The following ZNF148 variants were observed in gnomAD, a reference collection of about 807,000 sequenced individuals.
ZNF148 encodes zinc finger protein 148.
In ZNF148, 7 loss-of-function variants were observed where a neutral mutation model predicts 67.7. The observed-to-expected ratio is 0.10, with a 90% CI of 0.06 to 0.19. The LOEUF is 0.19. ZNF148 is among the 10% of genes least tolerant of loss of function. The pLI is 1.00. For synonymous variants in ZNF148, 333 were observed against 330.7 expected, an observed-to-expected ratio of 1.01 and a Z score of -0.08; for missense variants, 583 against 947.1, an observed-to-expected ratio of 0.62 and a Z score of 5.05.
At chr3:125,266,749 C>A (rs1937539852) in intron 7 of ZNF148, among the ~76,000 whole-genome samples, 1 of 151,984 alleles carries the variant, frequency 6.6e-6, no homozygotes, top group Admixed American at 6.5e-5. Flanking sequence ...AAAAACCATA[C>A]AAAGAATCAA....
At chr3:125,301,575 A>T (rs752110659) in intron 4 of ZNF148, among the ~76,000 whole-genome samples, 28 of 152,260 alleles carry the variant, frequency 1.8e-4, no homozygotes, top group Non-Finnish European at 3.1e-4. Context: ...AAAATAAGTT[A>T]ACATAAAGTT....
intron 4 of ZNF148, among the ~76,000 whole-genome samples, chr3:125,303,295 C>T (rs968015642): frequency 6.6e-6 from 1 of 151,854 alleles, no homozygotes; most frequent in Non-Finnish European, 1.5e-5. Flanking sequence ...ATCTTGATTG[C>T]TTTGGTGGTT....
intron 2 of ZNF148, among the ~76,000 whole-genome samples, chr3:125,324,873 T>G (rs1032176536): frequency 2.0e-5 from 3 of 152,202 alleles, no homozygotes; most frequent in East Asian, 1.9e-4. Flanking sequence ...CTCTCAGTAC[T>G]CCTGCATTTC....
At chr3:125,254,461 T>C (rs1203776752) in intron 7 of ZNF148, among the ~76,000 whole-genome samples, 1 of 152,218 alleles carries the variant, frequency 6.6e-6, no homozygotes, top group African/African-American at 2.4e-5. Flanking sequence ...CTACTGATTA[T>C]TGATAAACAC....
intron 1 of ZNF148, among the ~76,000 whole-genome samples, chr3:125,349,111 A>C (rs953985163): frequency 6.6e-6 from 1 of 152,244 alleles, no homozygotes; most frequent in Non-Finnish European, 1.5e-5. Context: ...AACTTTAATA[A>C]GGCCTGAAAC....
Position 125,326,980 on chromosome 3 carries a change from G to A in ZNF148, c.-152-3536C>T, listed in dbSNP as rs148739802. On this transcript the variant is annotated intron_variant, in intron 2 of 8. Coordinates refer to ENST00000360647, the MANE Select transcript of ZNF148 (RefSeq NM_021964.3). Reference sequence around the variant, plus strand: ...GTCCAGTGGAAAGGCAGCGACTGTCGGAAAGGATAAAAACACAAATTCCAA... The same window carrying A: ...GTCCAGTGGAAAGGCAGCGACTGTCAGAAAGGATAAAAACACAAATTCCAA... Among the ~76,000 whole-genome samples the A allele has an allele frequency of 3.2e-3, 484 of 151,254 alleles. 8 individuals are homozygous for A. Among genetic ancestry groups the A allele is most frequent in the African/African-American group, 0.011 (446 of 41,276 alleles).
At chr3:125,239,944 GACT>G (rs1225366846) in intron 7 of ZNF148, among the ~76,000 whole-genome samples, 2 of 152,158 alleles carry the variant, frequency 1.3e-5, no homozygotes, top group African/African-American at 4.8e-5. Flanking sequence ...AATGGGGAGT[GACT>G]ACTAACAGGT....
intron 1 of ZNF148, among the ~76,000 whole-genome samples, chr3:125,348,771 C>A (rs537126519): frequency 1.3e-5 from 2 of 152,152 alleles, no homozygotes; most frequent in African/African-American, 4.8e-5. Context: ...AACAGAACCA[C>A]AAAAGCCCCC....
At chr3:125,296,565 G>A (rs1377164407) in intron 4 of ZNF148, among the ~76,000 whole-genome samples, 2 of 152,012 alleles carry the variant, frequency 1.3e-5, no homozygotes, top group Non-Finnish European at 1.5e-5. Context: ...ACTAAGTTGG[G>A]ACTCTCATAC....
chr3:125,236,968 C>T (rs1936119834), intron 7 of ZNF148, among the ~76,000 whole-genome samples: 1 of 152,102 alleles, frequency 6.6e-6, no homozygotes, highest in Admixed American at 6.5e-5. Flanking sequence ...GTAATGAATG[C>T]ATTAACTAAT....
chr3:125,241,035 T>G (rs1035770931), intron 7 of ZNF148, among the ~76,000 whole-genome samples: 1 of 152,062 alleles, frequency 6.6e-6, no homozygotes, highest in African/African-American at 2.4e-5. Context: ...TACTGTACCA[T>G]CTTTTTTCAT....
intron 5 of ZNF148, 77 bp from the exon 6 acceptor site, chr3:125,279,324 G>A: frequency 8.4e-7 from 1 of 1,197,308 alleles, no homozygotes; most frequent in Non-Finnish European, 1.1e-6. Flanking sequence ...TTAAAAAAAA[G>A]ATAATGCAAA....
In ZNF148 at chr3:125,328,078, GATA is replaced by G. The variant is rs1011683433; in HGVS notation, c.-153+3077_-153+3079del. The stretch of plus-strand genomic sequence containing the variant: ...AATACCTATTATTTATATTTTAAAA[GATA>G]ATTATTTATGTATATTTCTTTTTCT... On this transcript the variant is annotated intron_variant, in intron 2 of 8. Coordinates refer to ENST00000360647, the MANE Select transcript of ZNF148 (RefSeq NM_021964.3). Among the ~76,000 whole-genome samples the G allele has an allele frequency of 3.0e-3, 457 of 151,644 alleles. 1 individual carries two copies. Among genetic ancestry groups the G allele is most frequent in the African/African-American group, 0.011 (439 of 41,402 alleles).
At position 125,331,555 on chromosome 3, in the gene ZNF148, A is replaced by C. The variant is rs114062218; in HGVS notation, c.-233-317T>G. 4.8e-3 allele frequency among the ~76,000 whole-genome samples: 735 copies of C among 152,326 alleles called. 6 individuals are homozygous for C. Among genetic ancestry groups the C allele is most frequent in the African/African-American group, 0.017 (702 of 41,582 alleles). ...TGACTATCATCTTAAATATCATAAC[A>C]TAGGAAGGAAAGCACAAATGTGTTT... On this transcript the variant is annotated intron_variant, in intron 1 of 8. Coordinates refer to ENST00000360647, the MANE Select transcript of ZNF148 (RefSeq NM_021964.3).
chr3:125,333,475 T>C (rs527977454), intron 1 of ZNF148, among the ~76,000 whole-genome samples: 1 of 152,302 alleles, frequency 6.6e-6, no homozygotes, highest in African/African-American at 2.4e-5. Flanking sequence ...CATCATCTAC[T>C]AATTTCATTT....
At chr3:125,372,987 A>AT (rs1183411481) in intron 1 of ZNF148, among the ~76,000 whole-genome samples, 2 of 152,042 alleles carry the variant, frequency 1.3e-5, no homozygotes, top group East Asian at 3.9e-4. Flanking sequence ...ATAAATAAAA[A>AT]TTTTTTTAAA....
chr3:125,370,453 G>T (rs556253155), intron 1 of ZNF148, among the ~76,000 whole-genome samples: 2 of 152,264 alleles, frequency 1.3e-5, no homozygotes, highest in African/African-American at 4.8e-5. Context: ...GAATCAACCT[G>T]CTGTTAGTTT....
intron 1 of ZNF148, among the ~76,000 whole-genome samples, chr3:125,369,847 G>A (rs1942821275): frequency 6.6e-6 from 1 of 151,984 alleles, no homozygotes; most frequent in Non-Finnish European, 1.5e-5. Context: ...ATGGTGGCAC[G>A]CTCCTGTAAT....
rs150912675 is a variant in ZNF148 at position 125,343,614 on chromosome 3, T to C, written c.-233-12376A>G. ...TAAAAGCAGCCAATTGCAGGGAGGATTGAAAAAAGGGCATTCTGATAGCAC... is the reference window on the plus strand; with the variant it reads ...TAAAAGCAGCCAATTGCAGGGAGGACTGAAAAAAGGGCATTCTGATAGCAC... On this transcript the variant is annotated intron_variant, in intron 1 of 8. Coordinates refer to ENST00000360647, the MANE Select transcript of ZNF148 (RefSeq NM_021964.3). Among the ~76,000 whole-genome samples the C allele has an allele frequency of 1.1e-3, 168 of 151,682 alleles. 1 individual carries two copies. Among genetic ancestry groups the C allele is most frequent in the East Asian group, 7.6e-3 (39 of 5,152 alleles).
Sources: gnomAD v4.1 joint callset for allele counts (sites outside exome capture counted in the v4.1 genomes callset) on GRCh38, gnomAD v4.1.1 for gene constraint, MANE v1.5 for transcripts, NCBI Gene and HGNC (gene_info 2026-07-23, HGNC 2026-07-21) for gene names.